Variants in NRXN1 observed in about 807,000 individuals in gnomAD.
The protein encoded by NRXN1 is neurexin 1, also known as neurexin-1.
A neutral mutation model predicts 150.9 loss-of-function variants in NRXN1; 39 were observed. That is an observed-to-expected ratio of 0.26 (90% confidence interval 0.20 to 0.34). The LOEUF is 0.34. NRXN1 is among the 10% of genes least tolerant of loss of function. The pLI is 1.00. For missense variants in NRXN1, 1,815 were observed against 1,949.9 expected, an observed-to-expected ratio of 0.93 and a Z score of 1.30; for synonymous variants, 924 against 757.0, an observed-to-expected ratio of 1.22 and a Z score of -3.62.
At chr2:50,715,872 A>G (rs1695808279) in intron 5 of NRXN1, among the ~76,000 whole-genome samples, 1 of 152,096 alleles carries the variant, frequency 6.6e-6, no homozygotes, top group Admixed American at 6.6e-5. Context: ...TGAACTCTCA[A>G]CGCACTTCTT....
chr2:50,396,905 C>A (rs183678088), intron 17 of NRXN1, among the ~76,000 whole-genome samples: 1 of 152,052 alleles, frequency 6.6e-6, no homozygotes, highest in Non-Finnish European at 1.5e-5. Flanking sequence ...AAGATTTGGA[C>A]TTAAGGTCAA....
intron 19 of NRXN1, among the ~76,000 whole-genome samples, chr2:50,073,698 T>C (rs1017293594): frequency 3.3e-5 from 5 of 152,212 alleles, no homozygotes; most frequent in Middle Eastern, 3.4e-3. Flanking sequence ...TGCTAATCAT[T>C]TGTAGAGATA....
At chr2:50,355,361 G>C (rs2078720092) in intron 17 of NRXN1, among the ~76,000 whole-genome samples, 1 of 151,080 alleles carries the variant, frequency 6.6e-6, no homozygotes, top group Admixed American at 6.6e-5. Context: ...AGATAAGTTG[G>C]TATGACTATT....
At chr2:50,979,424 C>T (rs977986365) in intron 2 of NRXN1, 2 of 389,428 alleles carry the variant, frequency 5.1e-6, no homozygotes, top group Admixed American at 6.2e-5. Flanking sequence ...GCCAGTTATT[C>T]AGGACATGAA....
chr2:50,231,938 C>T (rs947201066), intron 18 of NRXN1, among the ~76,000 whole-genome samples: 2 of 152,036 alleles, frequency 1.3e-5, no homozygotes, highest in East Asian at 1.9e-4. Context: ...GTTAAATAAT[C>T]CTCAACACAT....
In NRXN1 at chr2:50,788,109, T is replaced by C. The variant is rs915897298; in HGVS notation, c.832+133760A>G. On this transcript the variant is annotated intron_variant, in intron 5 of 22. Transcript: ENST00000401669. ...CTTCCCCTCGCCACCTTTTTTTTTT[T>C]TGAGACTTGCTCTGTCGCCCAGGCT... 3.3e-5 allele frequency among the ~76,000 whole-genome samples: 5 copies of C among 151,868 alleles called. No individual in the cohort carries two copies. The Admixed American group carries it at 3.3e-4, about 10-fold the overall frequency.
intron 5 of NRXN1, among the ~76,000 whole-genome samples, chr2:50,624,497 GA>G (rs1430525931): frequency 2.0e-5 from 3 of 151,988 alleles, no homozygotes; most frequent in Admixed American, 6.6e-5. Context: ...CTTTTTCAAT[GA>G]AGAGACAAAC....
At chr2:50,656,318 A>G in intron 5 of NRXN1, 1 of 748,850 alleles carries the variant, frequency 1.3e-6, no homozygotes. Context: ...CAATTTTAAA[A>G]GTAACACTTA....
chr2:50,531,719 T>C (rs1027011929), intron 10 of NRXN1, among the ~76,000 whole-genome samples: 2 of 152,148 alleles, frequency 1.3e-5, no homozygotes, highest in Admixed American at 6.6e-5. Flanking sequence ...ATGTTGAATT[T>C]TGAGTGTTTG....
At position 51,028,201 on chromosome 2, in the gene NRXN1, C is replaced by A; in HGVS notation, c.73G>T (p.Ala25Ser). The change falls in exon 2 of 23, where the codon GCG becomes TCG. Residue 25 changes from alanine to serine, a missense_variant. Ala to Ser is a moderately conservative substitution (Grantham distance 99). This residue lies in a region of NRXN1 where 554 missense variants were observed against 478.8 expected (regional missense o/e 1.16). Coordinates refer to ENST00000401669, the MANE Select transcript of NRXN1 (RefSeq NM_001330078.2). ...AACTCCAGCCCGCTGCCCAGCTCCG[C>A]CCAGCAGCCCAGGAGCAGCAGCGAG... is the stretch of plus-strand genomic sequence containing the variant. ...CLSLLLLGCW[A>S]ELGSGLEFPG... 1 of 1,490,872 alleles carries A rather than the reference C, an allele frequency of 6.7e-7. No homozygotes were observed. 92.4% of individuals were successfully genotyped at this position (1,490,872 alleles called of 1,614,324 possible).
chr2:50,244,236 A>G (rs2066295259), intron 17 of NRXN1, among the ~76,000 whole-genome samples: 1 of 151,880 alleles, frequency 6.6e-6, no homozygotes, highest in East Asian at 1.9e-4. Flanking sequence ...CTAATAAGTG[A>G]AATAATTATT....
intron 17 of NRXN1, among the ~76,000 whole-genome samples, chr2:50,334,090 C>T (rs896282982): frequency 4.0e-5 from 6 of 151,454 alleles, no homozygotes; most frequent in African/African-American, 7.3e-5. Context: ...ATGCTCCTCT[C>T]TGGCAACTCC....
intron 17 of NRXN1, among the ~76,000 whole-genome samples, chr2:50,352,764 TA>T (rs1466030251): frequency 2.4e-5 from 3 of 126,636 alleles, no homozygotes; most frequent in African/African-American, 9.9e-5. Flanking sequence ...ATAATAATAA[TA>T]ATAATAATAA....
At chr2:51,002,494 T>A (rs562289807) in intron 2 of NRXN1, among the ~76,000 whole-genome samples, 1 of 152,118 alleles carries the variant, frequency 6.6e-6, no homozygotes, top group African/African-American at 2.4e-5. Context: ...CATATAATAA[T>A]GAATTTGTTA....
intron 17 of NRXN1, among the ~76,000 whole-genome samples, chr2:50,440,120 G>C (rs376546899): frequency 7.2e-5 from 11 of 152,170 alleles, no homozygotes; most frequent in African/African-American, 2.7e-4. Flanking sequence ...TTGGAAGCAA[G>C]GATAGCAGGA....
chr2:50,119,939 T>C (rs752703515), intron 18 of NRXN1, among the ~76,000 whole-genome samples: 4 of 152,112 alleles, frequency 2.6e-5, no homozygotes, highest in Admixed American at 1.3e-4. Context: ...TTTAGAAAAA[T>C]GTTAAGCCAT....
At chr2:50,171,179 A>G (rs542781606) in intron 18 of NRXN1, among the ~76,000 whole-genome samples, 63 of 151,904 alleles carry the variant, frequency 4.1e-4, no homozygotes, top group African/African-American at 1.4e-3. Context: ...CAGAGGCAGA[A>G]GAAACTCTAT....
At chr2:50,749,496 C>T (rs934512931) in intron 5 of NRXN1, among the ~76,000 whole-genome samples, 2 of 151,988 alleles carry the variant, frequency 1.3e-5, no homozygotes, top group Non-Finnish European at 2.9e-5. Context: ...TCTACAGCTG[C>T]TGGGCCTCAG....
At chr2:50,517,980 C>T (rs935241081) in intron 12 of NRXN1, among the ~76,000 whole-genome samples, 6 of 152,044 alleles carry the variant, frequency 3.9e-5, no homozygotes, top group East Asian at 1.9e-4. Flanking sequence ...CCTATGCAAA[C>T]GAATAAACAA....
Sources: gnomAD v4.1 joint callset for allele counts (sites outside exome capture counted in the v4.1 genomes callset) on GRCh38, gnomAD v4.1.1 for gene constraint, gnomAD v4.1.1 regional missense constraint, MANE v1.5 for transcripts, NCBI Gene and HGNC (gene_info 2026-07-23, HGNC 2026-07-21) for gene names.